BAZ2B: variants seen among roughly 807,000 people sequenced by gnomAD.
BAZ2B encodes bromodomain adjacent to zinc finger domain 2B.
BAZ2B carries 91 observed loss-of-function variants against 246.0 expected under a neutral mutation model. The observed-to-expected ratio is 0.37, with a 90% confidence interval of 0.31 to 0.44. BAZ2B has a LOEUF of 0.44. Among genes scored for constraint, BAZ2B ranks in the 20% least tolerant of loss-of-function variants. The pLI is 1.00. For synonymous variants in BAZ2B, 855 were observed against 860.0 expected (o/e 0.99, Z 0.10); for missense variants, 2,332 against 2,533.7 (o/e 0.92, Z 1.71).
intron 13 of BAZ2B, among the ~76,000 whole-genome samples, chr2:159,419,046 A>G (rs1354439013): frequency 1.3e-5 from 2 of 152,220 alleles, no homozygotes; most frequent in African/African-American, 4.8e-5. Flanking sequence ...AATAATTTTC[A>G]GTAAATTTAA....
chr2:159,454,630 A>G (rs1354534814), intron 3 of BAZ2B, among the ~76,000 whole-genome samples: 2 of 152,232 alleles, frequency 1.3e-5, no homozygotes, highest in Non-Finnish European at 2.9e-5. Flanking sequence ...ATTGACCAAA[A>G]TGTCATTATG....
intron 33 of BAZ2B, among the ~76,000 whole-genome samples, chr2:159,334,834 G>A (rs1024999130): frequency 2.0e-5 from 3 of 152,222 alleles, no homozygotes; most frequent in Non-Finnish European, 4.4e-5. Context: ...AACACATCAT[G>A]ATGACTGCTT....
At chr2:159,404,651 T>C (rs2065611479) in intron 16 of BAZ2B, 198 bp downstream of exon 16, 1 of 502,878 alleles carries the variant, frequency 2.0e-6, no homozygotes, top group African/African-American at 2.0e-5. Context: ...TTGGTAATCA[T>C]TTCTTTAAAC....
At chr2:159,678,172 T>C in the BAZ2B span, among the ~76,000 whole-genome samples, 11 of 152,194 alleles carry the variant, frequency 7.2e-5, no homozygotes, top group Non-Finnish European at 1.3e-4. Context: ...TTTCTATTAA[T>C]GCAAACATAG....
At chr2:159,478,504 T>A (rs2078879575) in intron 3 of BAZ2B, 71 bp downstream of exon 3, 3 of 1,448,490 alleles carry the variant, frequency 2.1e-6, no homozygotes, top group Non-Finnish European at 2.8e-6. Context: ...TTTTATTCAG[T>A]GCTCAATAAA....
the BAZ2B span, among the ~76,000 whole-genome samples, chr2:159,708,627 G>A: frequency 6.6e-6 from 1 of 151,384 alleles, no homozygotes; most frequent in East Asian, 1.9e-4. Context: ...AGGCCTGAAT[G>A]CAGTGGCATG....
At chr2:159,596,115 AAGG>A (rs979962177) in intron 1 of BAZ2B, among the ~76,000 whole-genome samples, 1 of 152,210 alleles carries the variant, frequency 6.6e-6, no homozygotes, top group Non-Finnish European at 1.5e-5. Flanking sequence ...TTTAAAGGAA[AAGG>A]AGTAGTATTG....
intron 1 of BAZ2B, among the ~76,000 whole-genome samples, chr2:159,577,237 T>A (rs12465237): frequency 0.24 from 36,290 of 151,846 alleles, 5,523 homozygotes; most frequent in Admixed American, 0.38. Flanking sequence ...CTAAAACAAA[T>A]TTACTTAAAA....
intron 2 of BAZ2B, among the ~76,000 whole-genome samples, chr2:159,504,849 T>C (rs1360487617): frequency 2.0e-5 from 3 of 152,202 alleles, no homozygotes; most frequent in East Asian, 1.9e-4. Context: ...GTCCAGAACA[T>C]TCCTTTAGCT....
chr2:159,600,432 T>TA (rs898352695), intron 1 of BAZ2B, among the ~76,000 whole-genome samples: 25 of 150,750 alleles, frequency 1.7e-4, no homozygotes, highest in South Asian at 1.1e-3. Flanking sequence ...TTCCCACTGT[T>TA]AAAAAAAAAC....
chr2:159,495,730 T>C (rs1024312787), intron 2 of BAZ2B, among the ~76,000 whole-genome samples: 1 of 151,908 alleles, frequency 6.6e-6, no homozygotes, highest in African/African-American at 2.4e-5. Flanking sequence ...GAAACAGATA[T>C]GAGTATCTAA....
chr2:159,604,951 T>TGTGTGTGTGC lies in BAZ2B; in HGVS notation c.-46+11290_-46+11291insGCACACACAC, dbSNP rs137899225. On this transcript the variant is annotated intron_variant, in intron 1 of 36. Transcript: ENST00000392783. ...TATATTTTGTGTGTGTGTGTGTGTG[T>TGTGTGTGTGC]GCGCGTGTGTGCGCGCGCTAGGAGA... Among the ~76,000 whole-genome samples, 61 of 144,420 alleles carry TGTGTGTGTGC rather than the reference T, an allele frequency of 4.2e-4. 1 individual carries two copies. Among genetic ancestry groups the TGTGTGTGTGC allele is most frequent in the African/African-American group, 1.2e-3 (46 of 38,798 alleles). The allele number at this position is 144,420 out of a possible 152,430, so 94.7% of individuals were successfully genotyped here. A position where few individuals can be genotyped will look rare whatever the true frequency, so the allele number is the denominator to read the frequency against.
At chr2:159,656,437 T>C in the BAZ2B span, among the ~76,000 whole-genome samples, 1 of 152,284 alleles carries the variant, frequency 6.6e-6, no homozygotes, top group African/African-American at 2.4e-5. Context: ...TATTGTATCA[T>C]ACAGGATAGT....
chr2:159,415,841 A>T (rs1401154012), intron 13 of BAZ2B, among the ~76,000 whole-genome samples: 1 of 152,232 alleles, frequency 6.6e-6, no homozygotes, highest in African/African-American at 2.4e-5. Context: ...GCTACATCTC[A>T]CATTCTAAGT....
the BAZ2B span, among the ~76,000 whole-genome samples, chr2:159,637,536 A>T: frequency 1.3e-5 from 2 of 152,162 alleles, no homozygotes; most frequent in African/African-American, 4.8e-5. Context: ...GCCATAGTAA[A>T]ATAAAACATC....
chr2:159,704,486 T>TC, the BAZ2B span, among the ~76,000 whole-genome samples: 3 of 147,394 alleles, frequency 2.0e-5, no homozygotes, highest in African/African-American at 7.5e-5. Flanking sequence ...CTTTTTCTTT[T>TC]TTTTTTTTTT....
At position 159,545,519 on chromosome 2, in the gene BAZ2B, C is replaced by T. The variant is rs140101030; in HGVS notation, c.-3+10304G>A. On this transcript the variant is annotated intron_variant, in intron 2 of 36. Transcript: ENST00000392783. ...CAAGTTGTTAAAATATATACTATCT[C>T]TCTGTTTTCTATACTATACATTCCA... is the stretch of plus-strand genomic sequence containing the variant. Among the ~76,000 whole-genome samples, 912 of 152,182 alleles carry T rather than the reference C, an allele frequency of 6.0e-3. 7 individuals carry two copies. The highest frequency in any genetic ancestry group is 0.021 in the African/African-American group (868 of 41,518).
the BAZ2B span, among the ~76,000 whole-genome samples, chr2:159,622,178 A>G: frequency 6.8e-6 from 1 of 146,734 alleles, no homozygotes; most frequent in Non-Finnish European, 1.5e-5. Flanking sequence ...CCAAGGCAGA[A>G]GGATCGCTTG....
intron 1 of BAZ2B, among the ~76,000 whole-genome samples, chr2:159,595,469 T>C (rs901232521): frequency 6.6e-6 from 1 of 152,204 alleles, no homozygotes; most frequent in Non-Finnish European, 1.5e-5. Flanking sequence ...TTTGCCACTT[T>C]AAGAGGCGAA....
Sources: gnomAD v4.1 joint callset for allele counts (sites outside exome capture counted in the v4.1 genomes callset) on GRCh38, gnomAD v4.1.1 for gene constraint, MANE v1.5 for transcripts, NCBI Gene and HGNC (gene_info 2026-07-23, HGNC 2026-07-21) for gene names.